SNTG1: variants seen among roughly 807,000 people sequenced by gnomAD.
SNTG1 encodes syntrophin gamma 1, also known as gamma-1-syntrophin.
SNTG1 carries 39 observed loss-of-function variants against 74.7 expected under a neutral mutation model. That is an observed-to-expected ratio of 0.52 (90% CI 0.40 to 0.68). SNTG1 has a LOEUF of 0.68. SNTG1 is among the 30% of genes least tolerant of loss of function. The pLI, the probability that SNTG1 is intolerant of heterozygous loss-of-function variation, is 0.00. For missense variants in SNTG1, 685 were observed against 609.5 expected (o/e 1.12, Z -1.30); for synonymous variants, 254 against 217.1 (o/e 1.17, Z -1.49).
At chr8:50,634,847 A>G (rs1256468107) in intron 13 of SNTG1, among the ~76,000 whole-genome samples, 1 of 152,132 alleles carries the variant, frequency 6.6e-6, no homozygotes, top group East Asian at 1.9e-4. Flanking sequence ...CTCTGTCCCC[A>G]CACTCTTTTG....
chr8:50,201,554 G>A (rs1488574786), intron 2 of SNTG1, among the ~76,000 whole-genome samples: 4 of 151,918 alleles, frequency 2.6e-5, no homozygotes, highest in Admixed American at 2.0e-4. Context: ...CTAGCGCTGC[G>A]TGACACTCCA....
chr8:49,926,923 C>T (rs539598507), intron 1 of SNTG1, among the ~76,000 whole-genome samples: 56 of 152,188 alleles, frequency 3.7e-4, no homozygotes, highest in South Asian at 1.2e-3. Context: ...ATTAAAAAAT[C>T]GGTAAAGGAC....
chr8:50,558,617 T>C (rs922724), intron 12 of SNTG1, among the ~76,000 whole-genome samples: 31,871 of 151,648 alleles, frequency 0.21, 5,802 homozygotes, highest in African/African-American at 0.49. Flanking sequence ...GTATAACCGG[T>C]GGGAAAGATG....
chr8:50,482,135 A>G (rs1175461862), intron 8 of SNTG1, among the ~76,000 whole-genome samples: 1 of 152,120 alleles, frequency 6.6e-6, no homozygotes, highest in Non-Finnish European at 1.5e-5. Flanking sequence ...TCCTCCCACT[A>G]AGTTGTAGCT....
intron 1 of SNTG1, among the ~76,000 whole-genome samples, chr8:50,162,283 C>T (rs1563679136): frequency 6.6e-6 from 1 of 152,142 alleles, no homozygotes; most frequent in Non-Finnish European, 1.5e-5. Flanking sequence ...AAAGCACCGG[C>T]CGTGCGCGGT....
At chr8:50,381,394 C>A (rs2092476490) in intron 2 of SNTG1, among the ~76,000 whole-genome samples, 1 of 150,940 alleles carries the variant, frequency 6.6e-6, no homozygotes, top group Non-Finnish European at 1.5e-5. Flanking sequence ...TTAAAAATTT[C>A]ATATCTGAAT....
chr8:50,694,237 C>A (rs918471064), intron 15 of SNTG1, among the ~76,000 whole-genome samples: 1 of 149,544 alleles, frequency 6.7e-6, no homozygotes, highest in African/African-American at 2.5e-5. Context: ...ATAAATAAAA[C>A]CAGGGATTAA....
intron 4 of SNTG1, among the ~76,000 whole-genome samples, chr8:50,420,781 C>A (rs2093071839): frequency 6.6e-6 from 1 of 151,492 alleles, no homozygotes; most frequent in Non-Finnish European, 1.5e-5. Flanking sequence ...AATCCCAGCA[C>A]TTTGGGAGGC....
chr8:50,036,341 C>T (rs774018367), intron 1 of SNTG1, among the ~76,000 whole-genome samples: 7 of 152,162 alleles, frequency 4.6e-5, no homozygotes, highest in Non-Finnish European at 5.9e-5. Flanking sequence ...CAGTGTCAAC[C>T]ACAATTCTGG....
chr8:50,395,511 T>G (rs1043695447), intron 3 of SNTG1, among the ~76,000 whole-genome samples: 2 of 149,318 alleles, frequency 1.3e-5, no homozygotes, highest in African/African-American at 4.9e-5. Flanking sequence ...TTTCTGTTTT[T>G]TTTTTTTTTT....
chr8:50,441,948 A>G (rs2093361356), intron 5 of SNTG1, among the ~76,000 whole-genome samples: 1 of 152,224 alleles, frequency 6.6e-6, no homozygotes, highest in Non-Finnish European at 1.5e-5. Flanking sequence ...GTAAAGACCA[A>G]AATTGCCTGT....
At chr8:50,344,745 A>G (rs532711984) in intron 2 of SNTG1, among the ~76,000 whole-genome samples, 1 of 152,326 alleles carries the variant, frequency 6.6e-6, no homozygotes, top group East Asian at 1.9e-4. Context: ...GGAATTCTTG[A>G]GTACTGCCCC....
chr8:50,580,258 C>A (rs1044280346), intron 12 of SNTG1, among the ~76,000 whole-genome samples: 2 of 152,192 alleles, frequency 1.3e-5, no homozygotes, highest in Admixed American at 1.3e-4. Context: ...TACTCAATTC[C>A]TGTACCCCTA....
At chr8:50,217,470 C>T (rs2084848173) in intron 2 of SNTG1, among the ~76,000 whole-genome samples, 1 of 152,016 alleles carries the variant, frequency 6.6e-6, no homozygotes, top group African/African-American at 2.4e-5. Flanking sequence ...TTAGCACCTT[C>T]ATAATATGTG....
Position 50,704,714 on chromosome 8 carries a change from T to C in SNTG1, c.1153T>C (p.Phe385Leu). The C allele has an allele frequency of 1.2e-6, 2 of 1,614,092 alleles. No homozygotes were observed. Among genetic ancestry groups the C allele is most frequent in the Non-Finnish European group, 1.7e-6 (2 of 1,179,990 alleles). The change falls in exon 16 of 19, where the codon TTC becomes CTC. Residue 385 changes from phenylalanine to leucine, a missense_variant. Physicochemically the swap from Phe to Leu is conservative, Grantham distance 22. Coordinates refer to ENST00000642720, the MANE Select transcript of SNTG1 (RefSeq NM_018967.5). ...TGACCTCGCCCAGTGGGAAAGAGCC[T>C]TCCAGACAGCAACCTTTCTAGAAGT... ...ESDLAQWERA[F>L]QTATFLEVER...
At chr8:50,228,413 A>G (rs1018828448) in intron 2 of SNTG1, among the ~76,000 whole-genome samples, 9 of 152,010 alleles carry the variant, frequency 5.9e-5, no homozygotes, top group Middle Eastern at 3.4e-3. Flanking sequence ...CAGATACCAA[A>G]CCACAGATCC....
At chr8:50,451,182 G>A (rs980898878) in intron 8 of SNTG1, among the ~76,000 whole-genome samples, 4 of 151,852 alleles carry the variant, frequency 2.6e-5, no homozygotes, top group African/African-American at 9.7e-5. Flanking sequence ...AGAACAATAA[G>A]AAATAACAAT....
intron 13 of SNTG1, among the ~76,000 whole-genome samples, chr8:50,622,795 A>G (rs2094931522): frequency 1.3e-5 from 2 of 152,018 alleles, no homozygotes; most frequent in African/African-American, 2.4e-5. Context: ...AGCAGATGAA[A>G]TTTCTAAGAA....
intron 5 of SNTG1, among the ~76,000 whole-genome samples, chr8:50,442,010 G>T (rs1244816685): frequency 6.6e-6 from 1 of 152,072 alleles, no homozygotes; most frequent in Non-Finnish European, 1.5e-5. Flanking sequence ...AGTAAAGCCC[G>T]AAATGACGTA....
Sources: gnomAD v4.1 joint callset for allele counts (sites outside exome capture counted in the v4.1 genomes callset) on GRCh38, gnomAD v4.1.1 for gene constraint, MANE v1.5 for transcripts, NCBI Gene and HGNC (gene_info 2026-07-23, HGNC 2026-07-21) for gene names.